ATP11A: variants seen among roughly 807,000 people sequenced by gnomAD.
The protein encoded by ATP11A is phospholipid-transporting ATPase IH.
A neutral mutation model predicts 154.4 loss-of-function variants in ATP11A; 81 were observed. That is an observed-to-expected ratio of 0.52 (90% CI 0.44 to 0.63). The LOEUF (loss-of-function observed/expected upper bound fraction) is 0.63, where lower values mean the gene tolerates loss of function less well. Among genes scored for constraint, ATP11A ranks in the 30% least tolerant of loss-of-function variants. The pLI is 0.00. For synonymous variants in ATP11A, 623 were observed against 585.9 expected (o/e 1.06, Z -0.91); for missense variants, 1,316 against 1,474.3 (o/e 0.89, Z 1.76).
Position 112,853,262 on chromosome 13 carries a change from GCACACACACATATGTACATACA to G in ATP11A, c.1992-1006_1992-985del, listed in dbSNP as rs1313903572. 4.6e-5 allele frequency among the ~76,000 whole-genome samples: 7 copies of G among 151,046 alleles called. No individual in the cohort carries two copies. The South Asian group carries it at 1.5e-3, about 32-fold the overall frequency. ...TCTCTCTCTCTATATATATATATATGCACACACACATATGTACATACACACACACACACATATATATATACAC... is the reference window on the plus strand; with the variant it reads ...TCTCTCTCTCTATATATATATATATGCACACACACACATATATATATACAC... On this transcript the variant is annotated intron_variant, in intron 18 of 29. Transcript: ENST00000375645.
At chr13:112,828,106 G>C (rs1007334696) in intron 12 of ATP11A, among the ~76,000 whole-genome samples, 2 of 125,608 alleles carry the variant, frequency 1.6e-5, no homozygotes, top group African/African-American at 6.3e-5. Context: ...GCCCAGCAGC[G>C]TTGAGTGGGG....
chr13:112,799,362 T>C (rs2078075793), intron 2 of ATP11A, among the ~76,000 whole-genome samples: 1 of 152,170 alleles, frequency 6.6e-6, no homozygotes, highest in Non-Finnish European at 1.5e-5. Flanking sequence ...AACAAGGCTG[T>C]TTATTCACTT....
intron 1 of ATP11A, among the ~76,000 whole-genome samples, chr13:112,769,845 G>A (rs921831311): frequency 6.6e-6 from 1 of 152,222 alleles, no homozygotes; most frequent in Admixed American, 6.5e-5. Flanking sequence ...CTGTCTGATC[G>A]CTTCCCAGCA....
chr13:112,792,981 T>C (rs2077900262), intron 2 of ATP11A, among the ~76,000 whole-genome samples: 1 of 152,276 alleles, frequency 6.6e-6, no homozygotes, highest in Non-Finnish European at 1.5e-5. Context: ...TTCGTAGGTA[T>C]AGCCAGTGTT....
At chr13:112,815,966 C>T (rs2078634954) in intron 5 of ATP11A, 117 bp from the exon 6 acceptor site, 6 of 1,408,188 alleles carry the variant, frequency 4.3e-6, no homozygotes, top group South Asian at 1.3e-5. Flanking sequence ...AAACCGTGTC[C>T]ACATCCCCGT....
intron 1 of ATP11A, among the ~76,000 whole-genome samples, chr13:112,744,438 G>T (rs771243422): frequency 3.9e-5 from 6 of 152,212 alleles, no homozygotes; most frequent in Non-Finnish European, 8.8e-5. Context: ...TCTCTGAGTG[G>T]CGATTTCAGG....
At chr13:112,772,832 CTTG>C (rs2139955219) in intron 1 of ATP11A, among the ~76,000 whole-genome samples, 1 of 152,378 alleles carries the variant, frequency 6.6e-6, no homozygotes, top group African/African-American at 2.4e-5. Context: ...CTCTCCTGGG[CTTG>C]TTGGCCATTT....
intron 1 of ATP11A, among the ~76,000 whole-genome samples, chr13:112,695,998 C>T (rs1342570700): frequency 6.6e-6 from 1 of 152,196 alleles, no homozygotes; most frequent in African/African-American, 2.4e-5. Context: ...AATGGTACAT[C>T]CCAGAGGTGC....
At chr13:112,819,227 A>G in intron 6 of ATP11A, 77 bp from the exon 7 acceptor site, 1 of 1,191,526 alleles carries the variant, frequency 8.4e-7, no homozygotes, top group Admixed American at 1.8e-5. Context: ...CTTTGTAATC[A>G]CTTGGTTGGA....
chr13:112,730,595 G>A (rs1054973343), intron 1 of ATP11A, among the ~76,000 whole-genome samples: 1 of 152,352 alleles, frequency 6.6e-6, no homozygotes, highest in Non-Finnish European at 1.5e-5. Context: ...GCGCAGGTGC[G>A]GGAGGATGGG....
At chr13:112,703,048 C>T (rs191207926) in intron 1 of ATP11A, among the ~76,000 whole-genome samples, 2 of 152,346 alleles carry the variant, frequency 1.3e-5, no homozygotes, top group Non-Finnish European at 2.9e-5. Flanking sequence ...GTTATGTAAG[C>T]ACCTAGCATC....
At chr13:112,741,645 G>A (rs1891561009) in intron 1 of ATP11A, among the ~76,000 whole-genome samples, 1 of 152,154 alleles carries the variant, frequency 6.6e-6, no homozygotes, top group Non-Finnish European at 1.5e-5. Context: ...GGGCTGCAGG[G>A]AGACTCAGGG....
chr13:112,770,243 G>C (rs937229775), intron 1 of ATP11A, among the ~76,000 whole-genome samples: 1 of 152,172 alleles, frequency 6.6e-6, no homozygotes, highest in Non-Finnish European at 1.5e-5. Flanking sequence ...GTCTAGGTCC[G>C]CTGGCACCCC....
chr13:112,729,818 A>C (rs1474445453), intron 1 of ATP11A, among the ~76,000 whole-genome samples: 6 of 152,210 alleles, frequency 3.9e-5, no homozygotes, highest in Admixed American at 6.5e-5. Flanking sequence ...CTCTTCGAGG[A>C]AAAAAACGCG....
intron 2 of ATP11A, among the ~76,000 whole-genome samples, chr13:112,799,296 C>T (rs1314202087): frequency 6.6e-6 from 1 of 152,196 alleles, no homozygotes; most frequent in Non-Finnish European, 1.5e-5. Flanking sequence ...ATCTAATGGA[C>T]CTTTATGTCT....
chr13:112,791,024 A>G (rs1355438302), intron 2 of ATP11A, among the ~76,000 whole-genome samples: 2 of 152,228 alleles, frequency 1.3e-5, no homozygotes, highest in Non-Finnish European at 2.9e-5. Context: ...CACATCCAAA[A>G]TATTGTCTCT....
chr13:112,826,634 T>C, intron 11 of ATP11A, 60 bp from the exon 12 acceptor site: 2 of 1,342,122 alleles, frequency 1.5e-6, no homozygotes, highest in Admixed American at 1.7e-5. Context: ...TAGAGCAGCA[T>C]GTTGGAGGCC....
chr13:112,751,283 G>A lies in ATP11A; in HGVS notation c.40-33852G>A, dbSNP rs977431320. On this transcript the variant is annotated intron_variant, in intron 1 of 29. Transcript: ENST00000375645. ...ACCGTACGTTTTTCTTCCATGAACA[G>A]CCTGCGAATACACCCTGCCATTTGT... is the stretch of plus-strand genomic sequence containing the variant. Among the ~76,000 whole-genome samples the A allele has an allele frequency of 2.6e-5, 4 of 152,206 alleles. No homozygotes were observed. The South Asian group carries it at 8.3e-4, about 32-fold the overall frequency.
At chr13:112,755,630 G>A (rs7987238) in intron 1 of ATP11A, among the ~76,000 whole-genome samples, 34,195 of 150,182 alleles carry the variant, frequency 0.23, 5,018 homozygotes, top group African/African-American at 0.42. Context: ...CACTCAGAGC[G>A]GCTCCTAGAA....
Sources: gnomAD v4.1 joint callset for allele counts (sites outside exome capture counted in the v4.1 genomes callset) on GRCh38, gnomAD v4.1.1 for gene constraint, MANE v1.5 for transcripts, NCBI Gene and HGNC (gene_info 2026-07-23, HGNC 2026-07-21) for gene names.